The following PCDH15 variants were observed in gnomAD, a reference collection of about 807,000 sequenced individuals.
PCDH15 encodes the protein protocadherin related 15.
In PCDH15, 129 loss-of-function variants were observed where a neutral mutation model predicts 178.5. That is an observed-to-expected ratio of 0.72 (90% CI 0.63 to 0.84). The LOEUF (loss-of-function observed/expected upper bound fraction) is 0.84. Ranked by LOEUF, PCDH15 falls within the 40% of genes least tolerant of loss-of-function variation. The pLI is 0.00. For missense variants in PCDH15, 2,230 were observed against 2,099.9 expected, an observed-to-expected ratio of 1.06 and a Z score of -1.21; for synonymous variants, 800 against 732.0, an observed-to-expected ratio of 1.09 and a Z score of -1.50.
At chr10:53,870,877 A>T (rs2079791993) in intron 26 of PCDH15, among the ~76,000 whole-genome samples, 1 of 152,198 alleles carries the variant, frequency 6.6e-6, no homozygotes, top group Admixed American at 6.5e-5. Flanking sequence ...TTCAGAGCGC[A>T]GTTTTAAATC....
intron 2 of PCDH15, among the ~76,000 whole-genome samples, chr10:54,646,989 A>T (rs1419559177): frequency 6.6e-6 from 1 of 152,116 alleles, no homozygotes; most frequent in Non-Finnish European, 1.5e-5. Flanking sequence ...ACTTCTAGGT[A>T]TTCATCCAAA....
chr10:55,269,474 C>A (rs1414970990), intron 1 of PCDH15, among the ~76,000 whole-genome samples: 3 of 152,026 alleles, frequency 2.0e-5, no homozygotes, highest in African/African-American at 7.2e-5. Context: ...TGTAGCATTT[C>A]TATACACCAA....
At chr10:53,982,199 G>A (rs1043658527) in intron 21 of PCDH15, among the ~76,000 whole-genome samples, 4 of 152,140 alleles carry the variant, frequency 2.6e-5, no homozygotes, top group Non-Finnish European at 5.9e-5. Flanking sequence ...TGGAGAAATA[G>A]GAACACTTTT....
chr10:53,950,670 C>T (rs1463016298), intron 23 of PCDH15, among the ~76,000 whole-genome samples: 3 of 152,156 alleles, frequency 2.0e-5, no homozygotes, highest in Non-Finnish European at 4.4e-5. Context: ...GTCCATCATC[C>T]TGAAATGAAG....
intron 1 of PCDH15, among the ~76,000 whole-genome samples, chr10:55,227,377 T>C (rs1199867165): frequency 6.8e-6 from 1 of 146,754 alleles, no homozygotes; most frequent in Non-Finnish European, 1.5e-5. Context: ...TCTACCAAGG[T>C]AGGAACATAC....
At chr10:55,362,577 C>T (rs142535797) in intron 2 of PCDH15, among the ~76,000 whole-genome samples, 3 of 152,106 alleles carry the variant, frequency 2.0e-5, no homozygotes, top group Non-Finnish European at 4.4e-5. Flanking sequence ...AGTACAGTAT[C>T]ACAACCATGA....
intron 2 of PCDH15, among the ~76,000 whole-genome samples, chr10:55,013,418 G>C (rs1840094154): frequency 7.5e-6 from 1 of 132,702 alleles, no homozygotes; most frequent in African/African-American, 2.9e-5. Flanking sequence ...TACCACACCA[G>C]GCAATTTGAA....
chr10:54,022,757 A>G lies in PCDH15; in HGVS notation c.2526+135T>C, dbSNP rs532816674. 45 of 896,216 alleles carry G rather than the reference A, an allele frequency of 5.0e-5. No homozygotes were observed. In the East Asian group the frequency reaches 1.1e-3, roughly 22 times the overall value. The allele number at this position is 896,216 out of a possible 1,614,324, so 55.5% of individuals were successfully genotyped here. On this transcript the variant is annotated intron_variant, in intron 19 of 37. Transcript: ENST00000644397. ...TATGCAATATTGGAGAAATAATAAAAATTTATTCATTGTTTATCTGAAATT... is the reference window on the plus strand; with the variant it reads ...TATGCAATATTGGAGAAATAATAAAGATTTATTCATTGTTTATCTGAAATT...
intron 2 of PCDH15, among the ~76,000 whole-genome samples, chr10:55,076,444 A>G (rs80299900): frequency 8.0e-6 from 1 of 124,420 alleles, no homozygotes; most frequent in African/African-American, 3.0e-5. Flanking sequence ...TTTTTTTTTT[A>G]TCTTCTTGGT....
intron 2 of PCDH15, among the ~76,000 whole-genome samples, chr10:55,143,520 G>T (rs1307530712): frequency 6.6e-6 from 1 of 151,934 alleles, no homozygotes; most frequent in Non-Finnish European, 1.5e-5. Context: ...TTTTCCTTTT[G>T]AATTGAGAGT....
At chr10:55,592,201 C>A (rs1419325096) in intron 2 of PCDH15, among the ~76,000 whole-genome samples, 1 of 152,202 alleles carries the variant, frequency 6.6e-6, no homozygotes, top group East Asian at 1.9e-4. Context: ...TCTTCTCAAA[C>A]TTGCTCTGTG....
At chr10:55,319,425 T>C (rs879399207) in intron 1 of PCDH15, among the ~76,000 whole-genome samples, 2 of 152,240 alleles carry the variant, frequency 1.3e-5, no homozygotes, top group Admixed American at 6.5e-5. Flanking sequence ...ATTTTAAAAA[T>C]AGATAGGGCT....
At chr10:55,596,280 T>C (rs2132137165) in intron 2 of PCDH15, among the ~76,000 whole-genome samples, 1 of 152,252 alleles carries the variant, frequency 6.6e-6, no homozygotes, top group African/African-American at 2.4e-5. Context: ...TCTGCTTTTC[T>C]TAATTTGATC....
intron 34 of PCDH15, 67 bp downstream of exon 34, chr10:53,817,928 G>C: frequency 5.0e-6 from 2 of 398,422 alleles, no homozygotes; most frequent in Middle Eastern, 6.3e-4. Context: ...ATGTACATTA[G>C]TCTTGCCTAT....
At chr10:54,949,704 C>A (rs1733777) in intron 2 of PCDH15, among the ~76,000 whole-genome samples, 2 of 151,818 alleles carry the variant, frequency 1.3e-5, no homozygotes, top group African/African-American at 4.8e-5. Context: ...CCCAAGTCAC[C>A]TCTTGAATGC....
intron 21 of PCDH15, among the ~76,000 whole-genome samples, chr10:53,993,668 A>C (rs1367536658): frequency 6.6e-6 from 1 of 152,196 alleles, no homozygotes; most frequent in Non-Finnish European, 1.5e-5. Flanking sequence ...AAAAAAAGTA[A>C]TTATGTAATA....
At chr10:54,519,597 TG>T (rs1441747921) in intron 3 of PCDH15, among the ~76,000 whole-genome samples, 1 of 152,176 alleles carries the variant, frequency 6.6e-6, no homozygotes, top group Non-Finnish European at 1.5e-5. Context: ...TCCATGCTCA[TG>T]GATAGGAAGA....
rs192955699 is a variant in PCDH15 at position 53,830,458 on chromosome 10, T to G, written c.4202+857A>C. ...TTATTATTACTGTCTGCTATTTATT[T>G]TCTTTTTGTGGCACACTCAGGGCTA... On this transcript the variant is annotated intron_variant, in intron 30 of 37. Coordinates refer to ENST00000644397, the MANE Select transcript of PCDH15 (RefSeq NM_001384140.1). 1.3e-3 allele frequency among the ~76,000 whole-genome samples: 197 copies of G among 152,336 alleles called. 5 individuals carry two copies. The highest frequency in any genetic ancestry group is 4.6e-3 in the African/African-American group (190 of 41,586).
intron 1 of PCDH15, among the ~76,000 whole-genome samples, chr10:55,215,330 T>C (rs960853788): frequency 1.3e-5 from 2 of 152,164 alleles, no homozygotes; most frequent in African/African-American, 4.8e-5. Flanking sequence ...ATTCAGTGTG[T>C]ACTTAGGCCT....
Sources: gnomAD v4.1 joint callset for allele counts (sites outside exome capture counted in the v4.1 genomes callset) on GRCh38, gnomAD v4.1.1 for gene constraint, MANE v1.5 for transcripts, NCBI Gene and HGNC (gene_info 2026-07-23, HGNC 2026-07-21) for gene names.